Variants in WDFY2 observed in about 807,000 individuals in gnomAD.
The protein encoded by WDFY2 is WD repeat and FYVE domain containing 2.
In WDFY2, 36 loss-of-function variants were observed where a neutral mutation model predicts 56.4. The observed-to-expected ratio is 0.64, with a 90% CI of 0.49 to 0.84. The LOEUF is 0.84. Ranked by LOEUF, WDFY2 falls within the 40% of genes least tolerant of loss-of-function variation. WDFY2 has a pLI of 0.00. For synonymous variants in WDFY2, 176 were observed against 183.7 expected (o/e 0.96, Z 0.34); for missense variants, 444 against 512.2 (o/e 0.87, Z 1.29).
At chr13:51,616,676 T>G (rs1056171532) in intron 1 of WDFY2, among the ~76,000 whole-genome samples, 5 of 152,210 alleles carry the variant, frequency 3.3e-5, no homozygotes, top group African/African-American at 9.6e-5. Flanking sequence ...GTGACACACG[T>G]TTCTTCCACT....
At chr13:51,756,949 C>T (rs1326851956) in intron 10 of WDFY2, among the ~76,000 whole-genome samples, 1 of 152,138 alleles carries the variant, frequency 6.6e-6, no homozygotes. Context: ...GCCCAGTAAC[C>T]CAGGACATAG....
chr13:51,721,973 A>G (rs1230132914), intron 5 of WDFY2, among the ~76,000 whole-genome samples: 1 of 143,288 alleles, frequency 7.0e-6, no homozygotes, highest in Non-Finnish European at 1.5e-5. Context: ...TCCTTCTGAG[A>G]ACCTCCCACC....
chr13:51,751,400 C>G lies in WDFY2; in HGVS notation c.816C>G (p.Asp272Glu). 1 of 1,613,972 alleles carries G rather than the reference C, an allele frequency of 6.2e-7. No individual in the cohort carries two copies. Among genetic ancestry groups the G allele is most frequent in the Non-Finnish European group, 8.5e-7 (1 of 1,179,908 alleles). The change falls in exon 8 of 12, where the codon GAC becomes GAG. Residue 272 changes from aspartate to glutamate, a missense_variant. Physicochemically the swap from Asp to Glu is conservative, Grantham distance 45. Transcript: ENST00000298125. ...GTGGGATTGTCGTCTGGAACATGGACGTGGAGAGGCAGGAGGTAGGTGGCA... is the reference window on the plus strand; with the variant it reads ...GTGGGATTGTCGTCTGGAACATGGAGGTGGAGAGGCAGGAGGTAGGTGGCA... ...GDGGIVVWNM[D>E]VERQETPEWL...
intron 3 of WDFY2, among the ~76,000 whole-genome samples, chr13:51,697,215 A>AT (rs1247415291): frequency 2.0e-5 from 3 of 152,292 alleles, no homozygotes; most frequent in South Asian, 4.1e-4. Context: ...CTTTAGAAAT[A>AT]TTTTTCCTTT....
At chr13:51,668,940 G>T (rs1042189666) in intron 2 of WDFY2, among the ~76,000 whole-genome samples, 1 of 152,172 alleles carries the variant, frequency 6.6e-6, no homozygotes, top group Non-Finnish European at 1.5e-5. Context: ...ATTGGTGTAC[G>T]TAACAGAAAT....
chr13:51,634,390 T>C (rs910496985), intron 1 of WDFY2, among the ~76,000 whole-genome samples: 1 of 152,194 alleles, frequency 6.6e-6, no homozygotes, highest in Non-Finnish European at 1.5e-5. Flanking sequence ...ACTCAATATA[T>C]ATTTACCAAA....
chr13:51,684,900 C>G (rs17597763), intron 3 of WDFY2, among the ~76,000 whole-genome samples: 6,542 of 152,156 alleles, frequency 0.043, 161 homozygotes, highest in Middle Eastern at 0.071. Context: ...GCTGCTCCGC[C>G]GTCAGATATC....
At position 51,767,545 on chromosome 13, in the gene WDFY2, T is replaced by G. The variant is rs1174587083; in HGVS notation, c.*7776T>G. The G allele has an allele frequency of 6.5e-6, 1 of 152,698 alleles. No homozygotes were observed. The highest frequency in any genetic ancestry group is 1.5e-5 in the Non-Finnish European group (1 of 68,498). 9.5% of individuals were successfully genotyped at this position (152,698 alleles called of 1,614,324 possible). A position where few individuals can be genotyped will look rare whatever the true frequency, so the allele number is the denominator to read the frequency against. On this transcript the variant is annotated 3_prime_UTR_variant, in exon 12 of 12. Coordinates refer to ENST00000298125, the MANE Select transcript of WDFY2 (RefSeq NM_052950.4). ...GTATGTAGATGTATTCTAAATCTGC[T>G]CATTGGTTTTATTACAACTTTTCCT...
intron 3 of WDFY2, among the ~76,000 whole-genome samples, chr13:51,692,285 A>T (rs1053743708): frequency 6.6e-6 from 1 of 152,194 alleles, no homozygotes; most frequent in Non-Finnish European, 1.5e-5. Context: ...TTTCAAAGGG[A>T]ATCCTTCCAG....
At chr13:51,642,555 A>T (rs1955187992) in intron 1 of WDFY2, among the ~76,000 whole-genome samples, 1 of 151,970 alleles carries the variant, frequency 6.6e-6, no homozygotes, top group Non-Finnish European at 1.5e-5. Context: ...TGGCCTCCCA[A>T]TGTGCTGTAA....
At chr13:51,741,658 C>T (rs1952977949) in intron 7 of WDFY2, among the ~76,000 whole-genome samples, 1 of 152,178 alleles carries the variant, frequency 6.6e-6, no homozygotes, top group African/African-American at 2.4e-5. Context: ...TTTGAGTACA[C>T]CTAATATTTT....
At chr13:51,758,330 C>G in intron 11 of WDFY2, 30 bp downstream of exon 11, 3 of 1,498,492 alleles carry the variant, frequency 2.0e-6, no homozygotes, top group Non-Finnish European at 2.8e-6. Context: ...AGAAGCTTTC[C>G]ATCTTTGGCC....
chr13:51,709,452 G>T (rs1362699840), intron 4 of WDFY2, among the ~76,000 whole-genome samples: 1 of 151,924 alleles, frequency 6.6e-6, no homozygotes, highest in Admixed American at 6.6e-5. Flanking sequence ...TTGAAGCCTG[G>T]GGAACATAGC....
At chr13:51,675,655 G>C (rs1027335811) in intron 3 of WDFY2, among the ~76,000 whole-genome samples, 1 of 152,148 alleles carries the variant, frequency 6.6e-6, no homozygotes, top group Non-Finnish European at 1.5e-5. Flanking sequence ...TCCTGTCTTT[G>C]ATACTCTGTG....
At chr13:51,756,657 ACACT>A in intron 10 of WDFY2, 195 bp downstream of exon 10, 1 of 984,722 alleles carries the variant, frequency 1.0e-6, no homozygotes, top group Middle Eastern at 5.2e-4. Flanking sequence ...AAGAGAAAAT[ACACT>A]CAAAGAATTC....
intron 4 of WDFY2, among the ~76,000 whole-genome samples, chr13:51,713,004 A>G (rs1952258182): frequency 6.6e-6 from 1 of 152,208 alleles, no homozygotes; most frequent in African/African-American, 2.4e-5. Flanking sequence ...CCACAAAGAA[A>G]GCTCCAGGCC....
intron 2 of WDFY2, among the ~76,000 whole-genome samples, chr13:51,672,229 G>T (rs865779451): frequency 6.6e-6 from 1 of 152,160 alleles, no homozygotes. Context: ...TTTGTATAAG[G>T]TGAGAGATGG....
At chr13:51,598,998 T>C (rs796499713) in intron 1 of WDFY2, among the ~76,000 whole-genome samples, 41 of 148,848 alleles carry the variant, frequency 2.8e-4, no homozygotes, top group African/African-American at 9.9e-4. Flanking sequence ...AACCTCCGCC[T>C]TCCAGGTTCA....
chr13:51,748,296 C>T (rs1440748422), intron 7 of WDFY2, among the ~76,000 whole-genome samples: 3 of 152,216 alleles, frequency 2.0e-5, no homozygotes, highest in African/African-American at 4.8e-5. Flanking sequence ...TAGGAGCCAA[C>T]GCGTTAGTGA....
Sources: gnomAD v4.1 joint callset for allele counts (sites outside exome capture counted in the v4.1 genomes callset) on GRCh38, gnomAD v4.1.1 for gene constraint, MANE v1.5 for transcripts, NCBI Gene and HGNC (gene_info 2026-07-23, HGNC 2026-07-21) for gene names.